The following KIAA1328 variants were observed in gnomAD, a reference collection of about 807,000 sequenced individuals.
The protein encoded by KIAA1328 is KIAA1328.
Under a neutral mutation model 68.1 loss-of-function variants are expected in KIAA1328, and 52 were observed. That is an observed-to-expected ratio of 0.76 (90% CI 0.61 to 0.96). The LOEUF (loss-of-function observed/expected upper bound fraction) is 0.96, where lower values mean the gene tolerates loss of function less well. Among genes scored for constraint, KIAA1328 ranks in the 40% least tolerant of loss-of-function variants. The pLI is 0.00. For missense variants in KIAA1328, 641 were observed against 677.6 expected, an observed-to-expected ratio of 0.95 and a Z score of 0.60; for synonymous variants, 232 against 239.4, an observed-to-expected ratio of 0.97 and a Z score of 0.28.
At chr18:36,963,406 C>T (rs2051780624) in intron 6 of KIAA1328, among the ~76,000 whole-genome samples, 1 of 152,136 alleles carries the variant, frequency 6.6e-6, no homozygotes, top group South Asian at 2.1e-4. Context: ...GGAGATGGAG[C>T]AATCTTTCAT....
At chr18:36,887,637 G>A (rs1489646481) in intron 5 of KIAA1328, among the ~76,000 whole-genome samples, 2 of 152,118 alleles carry the variant, frequency 1.3e-5, no homozygotes, top group African/African-American at 4.8e-5. Flanking sequence ...TAAAAGTCCT[G>A]AATTTTATGA....
At chr18:36,991,141 T>C (rs930845511) in intron 6 of KIAA1328, among the ~76,000 whole-genome samples, 5 of 152,220 alleles carry the variant, frequency 3.3e-5, no homozygotes, top group Admixed American at 2.6e-4. Context: ...AAAATATCCA[T>C]AACCCTTATG....
intron 9 of KIAA1328, among the ~76,000 whole-genome samples, chr18:37,180,177 T>C (rs573000141): frequency 5.9e-5 from 9 of 152,100 alleles, no homozygotes; most frequent in Non-Finnish European, 1.3e-4. Flanking sequence ...AGCATAGTAC[T>C]TTAGCATTGG....
At position 37,223,795 on chromosome 18, in the gene KIAA1328, T is replaced by C; in HGVS notation, c.*1568T>C. 1 of 985,408 alleles carries C rather than the reference T, an allele frequency of 1.0e-6. No homozygotes were observed. Among genetic ancestry groups the C allele is most frequent in the Non-Finnish European group, 1.2e-6 (1 of 829,906 alleles). 61.0% of individuals were successfully genotyped at this position (985,408 alleles called of 1,614,324 possible). The stretch of plus-strand genomic sequence containing the variant: ...TGTCTCTTCAGGCTGAGACTGGCGC[T>C]GTCACCTCCACCCAGCCTTCTTTCA... On this transcript the variant is annotated 3_prime_UTR_variant, in exon 10 of 10. Transcript: ENST00000280020.
At chr18:37,058,560 A>C (rs1042221635) in intron 6 of KIAA1328, among the ~76,000 whole-genome samples, 1 of 151,914 alleles carries the variant, frequency 6.6e-6, no homozygotes, top group Non-Finnish European at 1.5e-5. Flanking sequence ...TAAAATACAA[A>C]AATTTAGCCA....
At chr18:37,119,768 T>C (rs906905246) in intron 7 of KIAA1328, among the ~76,000 whole-genome samples, 3 of 152,164 alleles carry the variant, frequency 2.0e-5, no homozygotes, top group Non-Finnish European at 4.4e-5. Context: ...TTTACAACAA[T>C]AAGTATAGAT....
intron 7 of KIAA1328, among the ~76,000 whole-genome samples, chr18:37,141,883 T>C (rs1467146047): frequency 6.6e-6 from 1 of 152,224 alleles, no homozygotes; most frequent in African/African-American, 2.4e-5. Flanking sequence ...GTTCAAATCT[T>C]TTAACCAGTT....
At chr18:37,005,282 GC>G (rs1412450690) in intron 6 of KIAA1328, among the ~76,000 whole-genome samples, 5 of 151,988 alleles carry the variant, frequency 3.3e-5, no homozygotes, top group African/African-American at 1.2e-4. Context: ...ACAGAGGTGG[GC>G]AAAGGACATG....
intron 9 of KIAA1328, among the ~76,000 whole-genome samples, chr18:37,191,988 ACT>A (rs1434428091): frequency 2.0e-5 from 3 of 152,082 alleles, no homozygotes; most frequent in Non-Finnish European, 4.4e-5. Context: ...CTTCCAAAGA[ACT>A]CTGGTTTCAG....
chr18:36,864,432 G>A (rs982233871), intron 4 of KIAA1328, among the ~76,000 whole-genome samples: 9 of 151,858 alleles, frequency 5.9e-5, no homozygotes, highest in Non-Finnish European at 1.0e-4. Context: ...CTCCTGAGTA[G>A]CTGGGACTAC....
rs74833264 is a variant in KIAA1328 at position 36,994,791 on chromosome 18, T to C, written c.576+35356T>C. Among the ~76,000 whole-genome samples the C allele has an allele frequency of 6.5e-3, 993 of 152,290 alleles. 23 individuals are homozygous for C. Among genetic ancestry groups the C allele is most frequent in the East Asian group, 0.044 (227 of 5,170 alleles). Reference sequence around the variant, plus strand: ...ACTGTCTCCTTCTTAAATAGACTTCTAATCATCTCACCTCTTTTCAGCCTT... The same window carrying C: ...ACTGTCTCCTTCTTAAATAGACTTCCAATCATCTCACCTCTTTTCAGCCTT... On this transcript the variant is annotated intron_variant, in intron 6 of 9. Transcript: ENST00000280020.
chr18:36,870,351 G>A (rs530220246), intron 4 of KIAA1328, among the ~76,000 whole-genome samples: 117 of 152,194 alleles, frequency 7.7e-4, no homozygotes, highest in Non-Finnish European at 1.4e-3. Flanking sequence ...ACCCTTGAGT[G>A]ATATTTTACG....
chr18:36,919,933 G>GT (rs904188278), intron 5 of KIAA1328, among the ~76,000 whole-genome samples: 1 of 152,040 alleles, frequency 6.6e-6, no homozygotes, highest in African/African-American at 2.4e-5. Context: ...GCTTTTGCTT[G>GT]TTTAACTTCT....
At chr18:37,029,919 T>C (rs891703159) in intron 6 of KIAA1328, among the ~76,000 whole-genome samples, 1 of 152,204 alleles carries the variant, frequency 6.6e-6, no homozygotes, top group African/African-American at 2.4e-5. Flanking sequence ...TTTTCTATTT[T>C]GTCTTCAGTC....
intron 7 of KIAA1328, among the ~76,000 whole-genome samples, chr18:37,102,006 A>G (rs373613692): frequency 1.3e-5 from 2 of 152,228 alleles, no homozygotes; most frequent in Non-Finnish European, 1.5e-5. Context: ...AACTCATTCT[A>G]TGAGGCCAGT....
intron 5 of KIAA1328, among the ~76,000 whole-genome samples, chr18:36,893,459 GTGTT>G (rs574799912): frequency 7.5e-6 from 1 of 133,026 alleles, no homozygotes; most frequent in Admixed American, 8.2e-5. Flanking sequence ...GTGTGTGTGT[GTGTT>G]TTTGTGTGTG....
chr18:36,843,124 G>C (rs1239632535), intron 3 of KIAA1328, among the ~76,000 whole-genome samples: 2 of 151,982 alleles, frequency 1.3e-5, no homozygotes, highest in African/African-American at 4.8e-5. Flanking sequence ...ACCATACACT[G>C]ACTTTTAAAT....
intron 7 of KIAA1328, among the ~76,000 whole-genome samples, chr18:37,109,468 G>A (rs2057868037): frequency 6.6e-6 from 1 of 152,146 alleles, no homozygotes; most frequent in South Asian, 2.1e-4. Flanking sequence ...AATCATATTT[G>A]TTATATTAGT....
chr18:37,186,700 T>C (rs2059808688), intron 9 of KIAA1328, among the ~76,000 whole-genome samples: 1 of 134,690 alleles, frequency 7.4e-6, no homozygotes, highest in Admixed American at 6.8e-5. Flanking sequence ...AAATTAACTT[T>C]TTGGTGTACA....
Sources: allele counts gnomAD v4.1 joint callset (sites outside exome capture counted in the v4.1 genomes callset), GRCh38; gene constraint gnomAD v4.1.1; transcripts MANE v1.5; gene names NCBI Gene and HGNC (gene_info 2026-07-23, HGNC 2026-07-21).